Variants in PBX1 observed in about 807,000 individuals in gnomAD.
PBX1 encodes the protein PBX homeobox 1.
Under a neutral mutation model 53.4 loss-of-function variants are expected in PBX1, and 6 were observed. That is an observed-to-expected ratio of 0.11 (90% CI 0.06 to 0.22). The LOEUF (loss-of-function observed/expected upper bound fraction) is 0.22, where lower values mean the gene tolerates loss of function less well. Ranked by LOEUF, PBX1 falls within the 10% of genes least tolerant of loss-of-function variation. The pLI is 1.00. For missense variants in PBX1, 251 were observed against 551.4 expected, an observed-to-expected ratio of 0.46 and a Z score of 5.46; for synonymous variants, 204 against 212.3, an observed-to-expected ratio of 0.96 and a Z score of 0.34.
chr1:164,759,854 T>C (rs1666717967), intron 2 of PBX1, among the ~76,000 whole-genome samples: 1 of 152,182 alleles, frequency 6.6e-6, no homozygotes, highest in African/African-American at 2.4e-5. Context: ...CCTGTGCTCC[T>C]GACTCCTTAG....
At chr1:164,794,443 C>G (rs1558012084) in intron 3 of PBX1, among the ~76,000 whole-genome samples, 1 of 152,064 alleles carries the variant, frequency 6.6e-6, no homozygotes, top group South Asian at 2.1e-4. Flanking sequence ...TGAAATTTGA[C>G]CATCAGACAA....
At chr1:164,565,078 C>T (rs1026349285) in intron 2 of PBX1, among the ~76,000 whole-genome samples, 7 of 151,928 alleles carry the variant, frequency 4.6e-5, no homozygotes, top group Admixed American at 2.0e-4. Context: ...TACATTGTGG[C>T]CAAAGTGCTT....
intron 2 of PBX1, among the ~76,000 whole-genome samples, chr1:164,878,613 G>T (rs1672570756): frequency 1.3e-5 from 2 of 151,964 alleles, no homozygotes; most frequent in African/African-American, 4.8e-5. Context: ...TTATGATCTG[G>T]CTACATTTCA....
intron 2 of PBX1, chr1:164,626,068 C>T (rs1270654257): frequency 4.4e-5 from 46 of 1,035,292 alleles, no homozygotes; most frequent in Non-Finnish European, 5.3e-5. Context: ...CACACCACCA[C>T]CCCAGTTTTG....
At chr1:164,602,134 C>T (rs10800039) in intron 2 of PBX1, among the ~76,000 whole-genome samples, 39,851 of 152,134 alleles carry the variant, frequency 0.26, 5,431 homozygotes, top group Non-Finnish European at 0.28. Flanking sequence ...TGATTCTTCA[C>T]TGTGGCCTTG....
intron 2 of PBX1, among the ~76,000 whole-genome samples, chr1:164,867,042 A>G (rs1672235310): frequency 6.6e-6 from 1 of 152,236 alleles, no homozygotes; most frequent in South Asian, 2.1e-4. Flanking sequence ...CATCAGAAAA[A>G]GAGTCCACAG....
intron 3 of PBX1, among the ~76,000 whole-genome samples, chr1:164,794,168 C>T (rs932813934): frequency 6.6e-6 from 1 of 152,118 alleles, no homozygotes; most frequent in Non-Finnish European, 1.5e-5. Flanking sequence ...AGCCACCACA[C>T]CTGGCCCCTT....
At chr1:164,625,978 G>A (rs1466196985) in intron 2 of PBX1, 1 of 1,041,230 alleles carries the variant, frequency 9.6e-7, no homozygotes, top group Non-Finnish European at 1.2e-6. Flanking sequence ...TCTTTTTGGT[G>A]ACTAGGATAC....
intron 3 of PBX1, 131 bp downstream of exon 3, chr1:164,792,869 T>G: frequency 1.4e-6 from 1 of 708,558 alleles, no homozygotes; most frequent in Admixed American, 3.1e-5. Context: ...CGGCATCCCC[T>G]GCCCAGCCAC....
At chr1:164,782,332 G>C (rs1667975375) in intron 2 of PBX1, among the ~76,000 whole-genome samples, 1 of 152,116 alleles carries the variant, frequency 6.6e-6, no homozygotes, top group Non-Finnish European at 1.5e-5. Context: ...GTCTGTCCTT[G>C]GTCTGCACAC....
intron 2 of PBX1, among the ~76,000 whole-genome samples, chr1:164,565,181 C>G (rs924357885): frequency 6.6e-6 from 1 of 151,914 alleles, no homozygotes; most frequent in Non-Finnish European, 1.5e-5. Context: ...TTAAAGAGTT[C>G]GCTCCTTGTT....
At chr1:164,797,140 A>C (rs931657046) in intron 3 of PBX1, among the ~76,000 whole-genome samples, 1 of 152,332 alleles carries the variant, frequency 6.6e-6, no homozygotes, top group East Asian at 1.9e-4. Context: ...TGTTTATTGA[A>C]GAGCAGAAAG....
At chr1:164,690,273 A>AGAC (rs1173871408) in intron 2 of PBX1, among the ~76,000 whole-genome samples, 1 of 152,122 alleles carries the variant, frequency 6.6e-6, no homozygotes, top group African/African-American at 2.4e-5. Context: ...AAAGCGGATC[A>AGAC]GACAGACAGA....
rs148796980 is a variant in PBX1 at position 164,652,767 on chromosome 1, C to T, written c.265+89456C>T. On this transcript the variant is annotated intron_variant, in intron 2 of 8. Coordinates refer to ENST00000420696, the MANE Select transcript of PBX1 (RefSeq NM_002585.4). ...AAGTGTTTTGACAAGTAAATATACTCATGTAACCAACACCCCTTTATCACC... is the reference window on the plus strand; with the variant it reads ...AAGTGTTTTGACAAGTAAATATACTTATGTAACCAACACCCCTTTATCACC... Among the ~76,000 whole-genome samples the T allele has an allele frequency of 2.8e-3, 422 of 152,258 alleles. 2 individuals are homozygous for T. The highest frequency in any genetic ancestry group is 5.0e-3 in the Admixed American group (76 of 15,288).
rs1671749579 is a variant in PBX1, at chr1:164,849,925, T to C, written c.*3249T>C. 1 of 228,688 alleles carries C rather than the reference T, an allele frequency of 4.4e-6. No homozygotes were observed. Among genetic ancestry groups the C allele is most frequent in the Non-Finnish European group, 8.7e-6 (1 of 115,330 alleles). 14.2% of individuals were successfully genotyped at this position (228,688 alleles called of 1,614,324 possible). A position where few individuals can be genotyped will look rare whatever the true frequency, so the allele number is the denominator to read the frequency against. The stretch of plus-strand genomic sequence containing the variant: ...AACTTTAAAAGAAACAAAAAAATAC[T>C]CAACGATTCTTTCAGCTTTATTAAC... On this transcript the variant is annotated 3_prime_UTR_variant, in exon 9 of 9. Coordinates refer to ENST00000420696, the MANE Select transcript of PBX1 (RefSeq NM_002585.4).
At chr1:164,664,763 G>A (rs1356359076) in intron 2 of PBX1, among the ~76,000 whole-genome samples, 2 of 152,218 alleles carry the variant, frequency 1.3e-5, no homozygotes, top group Non-Finnish European at 2.9e-5. Flanking sequence ...CATATCTTAT[G>A]TGGATGGCAG....
intron 2 of PBX1, among the ~76,000 whole-genome samples, chr1:164,698,101 T>G (rs1278389152): frequency 6.6e-6 from 1 of 152,130 alleles, no homozygotes; most frequent in Admixed American, 6.5e-5. Flanking sequence ...GAAATTAAAG[T>G]GCCTGTATCT....
At chr1:164,623,626 C>T (rs1445488603) in intron 2 of PBX1, among the ~76,000 whole-genome samples, 1 of 152,162 alleles carries the variant, frequency 6.6e-6, no homozygotes, top group Non-Finnish European at 1.5e-5. Flanking sequence ...CTTGCATCTC[C>T]TCTCTGTGCT....
chr1:164,593,480 A>G (rs1477238516), intron 2 of PBX1, among the ~76,000 whole-genome samples: 2 of 152,158 alleles, frequency 1.3e-5, no homozygotes, highest in African/African-American at 4.8e-5. Flanking sequence ...CTGATGAGAA[A>G]AATAATCAGA....
Sources: allele counts gnomAD v4.1 joint callset (sites outside exome capture counted in the v4.1 genomes callset), GRCh38; gene constraint gnomAD v4.1.1; transcripts MANE v1.5; gene names NCBI Gene and HGNC (gene_info 2026-07-23, HGNC 2026-07-21).